Variants in BCKDHA observed in about 807,000 individuals in gnomAD.
The protein encoded by BCKDHA is 2-oxoisovalerate dehydrogenase subunit alpha, mitochondrial.
In BCKDHA, 43 loss-of-function variants were observed where a neutral mutation model predicts 52.2. That is an observed-to-expected ratio of 0.82 (90% CI 0.64 to 1.06). The LOEUF is 1.06. Among genes scored for constraint, BCKDHA ranks in the 50% least tolerant of loss-of-function variants. BCKDHA has a pLI of 0.00. For missense variants in BCKDHA, 527 were observed against 621.3 expected (o/e 0.85, Z 1.61); for synonymous variants, 234 against 247.9 (o/e 0.94, Z 0.53).
chr19:41,400,548 C>T (rs916597955), intron 1 of BCKDHA, among the ~76,000 whole-genome samples: 1 of 150,740 alleles, frequency 6.6e-6, no homozygotes, highest in African/African-American at 2.4e-5. Flanking sequence ...CTGCGCCTGG[C>T]TAATTTTTAA....
chr19:41,418,702 T>C (rs2039332235), intron 4 of BCKDHA: 1 of 448,474 alleles, frequency 2.2e-6, no homozygotes, highest in African/African-American at 2.0e-5. Flanking sequence ...GGCTAATGTT[T>C]TGATTTTTTT....
chr19:41,401,021 T>A (rs910455115), intron 1 of BCKDHA, among the ~76,000 whole-genome samples: 1 of 151,974 alleles, frequency 6.6e-6, no homozygotes, highest in African/African-American at 2.4e-5. Flanking sequence ...CAAAATAAGA[T>A]AGCCACAAGT....
rs1467722356 is a variant in BCKDHA at position 41,410,846 on chromosome 19, C to A, written c.288+30C>A. ...GAGGCGGCCTCCCCCACTTCCCGTG[C>A]CCCCCACGCCCAGGCCCCTTGCCTG... is the stretch of plus-strand genomic sequence containing the variant. On this transcript the variant is annotated intron_variant, in intron 2 of 8. Transcript: ENST00000269980. The A allele has an allele frequency of 2.5e-6, 4 of 1,612,924 alleles. No individual in the cohort carries two copies. In the African/African-American group the frequency reaches 4.0e-5, roughly 16 times the overall value.
intron 5 of BCKDHA, among the ~76,000 whole-genome samples, chr19:41,421,398 T>C (rs7257117): frequency 0.044 from 6,617 of 151,828 alleles, 461 homozygotes; most frequent in African/African-American, 0.15. Flanking sequence ...TGTGGTGCAC[T>C]GTAGGGGTGG....
chr19:41,409,876 C>A (rs565908591), intron 1 of BCKDHA, among the ~76,000 whole-genome samples: 19 of 149,104 alleles, frequency 1.3e-4, no homozygotes, highest in African/African-American at 3.2e-4. Flanking sequence ...TCTCGGCTCA[C>A]TGCAACCCCC....
intron 4 of BCKDHA, among the ~76,000 whole-genome samples, chr19:41,417,181 T>C (rs900962511): frequency 6.6e-6 from 1 of 151,846 alleles, no homozygotes; most frequent in Non-Finnish European, 1.5e-5. Context: ...CTGGCTAATT[T>C]TTTTTTTGAT....
intron 1 of BCKDHA, among the ~76,000 whole-genome samples, chr19:41,406,979 C>T (rs1382084447): frequency 6.6e-6 from 1 of 152,212 alleles, no homozygotes; most frequent in African/African-American, 2.4e-5. Flanking sequence ...CCTCCCACCT[C>T]AGCCTCCCAA....
intron 8 of BCKDHA, among the ~76,000 whole-genome samples, chr19:41,424,087 G>A (rs771164643): frequency 6.6e-6 from 1 of 152,060 alleles, no homozygotes; most frequent in South Asian, 2.1e-4. Context: ...TCCCTGGCCC[G>A]GTCATTAGGA....
Position 41,397,909 on chromosome 19 carries a change from C to T in BCKDHA, c.82C>T (p.Pro28Ser). Residue 28 changes from proline to serine, a missense_variant, in exon 1 of 9, where the codon CCT becomes TCT. Pro to Ser is a moderately conservative substitution (Grantham distance 74). Transcript: ENST00000269980. ...GGCTGCCCTCCTGCTGCTGCGGCAG[C>T]CTGGGGCTCGGGGACTGGCTAGATC... ...SQAALLLLRQPGARGLARSHP... is the reference protein window; with the variant it reads ...SQAALLLLRQSGARGLARSHP... 1 of 1,614,024 alleles carries T rather than the reference C, an allele frequency of 6.2e-7. No individual in the cohort carries two copies. Among genetic ancestry groups the T allele is most frequent in the Non-Finnish European group, 8.5e-7 (1 of 1,180,018 alleles).
At chr19:41,398,099 C>T (rs1034446883) in intron 1 of BCKDHA, among the ~76,000 whole-genome samples, 164 bp downstream of exon 1, 2 of 152,156 alleles carry the variant, frequency 1.3e-5, no homozygotes, top group African/African-American at 4.8e-5. Context: ...TCTGCCACTT[C>T]CTTAGGAGAC....
chr19:41,423,732 C>T (rs1038799200), intron 8 of BCKDHA, among the ~76,000 whole-genome samples: 1 of 151,750 alleles, frequency 6.6e-6, no homozygotes, highest in Non-Finnish European at 1.5e-5. Flanking sequence ...CTTGGGAGGC[C>T]GAGGCAGGAG....
At chr19:41,405,430 G>C (rs1303584246) in intron 1 of BCKDHA, among the ~76,000 whole-genome samples, 1 of 151,796 alleles carries the variant, frequency 6.6e-6, no homozygotes, top group Non-Finnish European at 1.5e-5. Flanking sequence ...GGGAGTACAG[G>C]TGTGCACCAC....
chr19:41,421,057 A>G (rs2039358836), intron 5 of BCKDHA, among the ~76,000 whole-genome samples: 1 of 152,166 alleles, frequency 6.6e-6, no homozygotes, highest in Non-Finnish European at 1.5e-5. Context: ...AACAAGAAGC[A>G]GTTTGAGCCT....
chr19:41,421,047 A>G (rs907316440), intron 5 of BCKDHA, among the ~76,000 whole-genome samples: 2 of 152,142 alleles, frequency 1.3e-5, no homozygotes, highest in Non-Finnish European at 2.9e-5. Flanking sequence ...TTTGTTGAGG[A>G]ACAAGAAGCA....
chr19:41,418,987 C>T (rs2039335492), intron 4 of BCKDHA, 148 bp from the exon 5 acceptor site: 1 of 914,638 alleles, frequency 1.1e-6, no homozygotes, highest in Non-Finnish European at 1.7e-6. Flanking sequence ...CCTTGCTGGG[C>T]AGAGTCAGTC....
At chr19:41,412,994 G>A (rs756033605) in intron 3 of BCKDHA, among the ~76,000 whole-genome samples, 1 of 152,212 alleles carries the variant, frequency 6.6e-6, no homozygotes, top group Non-Finnish European at 1.5e-5. Context: ...GTGAGCCACC[G>A]TGCCTAGCCT....
At chr19:41,417,360 T>C (rs1351700940) in intron 4 of BCKDHA, among the ~76,000 whole-genome samples, 2 of 152,110 alleles carry the variant, frequency 1.3e-5, no homozygotes, top group Non-Finnish European at 2.9e-5. Flanking sequence ...CCAGTCCTTC[T>C]CACATGGGTG....
chr19:41,404,844 C>G (rs2039176240), intron 1 of BCKDHA, among the ~76,000 whole-genome samples: 1 of 152,210 alleles, frequency 6.6e-6, no homozygotes, highest in Non-Finnish European at 1.5e-5. Flanking sequence ...TTAAGTGATT[C>G]ACCTGCCTCA....
chr19:41,413,265 T>C lies in BCKDHA; in HGVS notation c.376-784T>C, dbSNP rs566589158. 2.0e-5 allele frequency among the ~76,000 whole-genome samples: 3 copies of C among 152,262 alleles called. No homozygotes were observed. In the East Asian group the frequency reaches 5.8e-4, roughly 29 times the overall value. On this transcript the variant is annotated intron_variant, in intron 3 of 8. Transcript: ENST00000269980. The stretch of plus-strand genomic sequence containing the variant: ...GCAAAAGCAGACTTCCACCAAAATA[T>C]CTGGCTAAAACTGTGTCCCATGGCC...
Sources: gnomAD v4.1 joint callset for allele counts (sites outside exome capture counted in the v4.1 genomes callset) on GRCh38, gnomAD v4.1.1 for gene constraint, MANE v1.5 for transcripts, NCBI Gene and HGNC (gene_info 2026-07-23, HGNC 2026-07-21) for gene names.